The following KCNT2 variants were observed in gnomAD, a reference collection of about 807,000 sequenced individuals.
KCNT2 encodes the protein potassium channel subfamily T member 2.
A neutral mutation model predicts 153.8 loss-of-function variants in KCNT2; 67 were observed. The observed-to-expected ratio is 0.44, with a 90% CI of 0.36 to 0.53. KCNT2 has a LOEUF of 0.53. Ranked by LOEUF, KCNT2 falls within the 20% of genes least tolerant of loss-of-function variation. KCNT2 has a pLI of 0.00. For synonymous variants in KCNT2, 500 were observed against 458.8 expected (o/e 1.09, Z -1.15); for missense variants, 975 against 1,354.8 (o/e 0.72, Z 4.40).
At chr1:196,274,972 T>C (rs554978547) in intron 25 of KCNT2, among the ~76,000 whole-genome samples, 19 of 151,994 alleles carry the variant, frequency 1.3e-4, no homozygotes, top group Non-Finnish European at 2.7e-4. Context: ...TAGTAGCTAA[T>C]ACCCCCAGTG....
intron 14 of KCNT2, among the ~76,000 whole-genome samples, chr1:196,349,712 T>C (rs914234855): frequency 6.6e-6 from 1 of 151,774 alleles, no homozygotes; most frequent in African/African-American, 2.4e-5. Flanking sequence ...TTTTATTTTT[T>C]TATTATTATT....
intron 8 of KCNT2, among the ~76,000 whole-genome samples, chr1:196,462,317 T>C (rs903564207): frequency 6.6e-6 from 1 of 151,678 alleles, no homozygotes; most frequent in Non-Finnish European, 1.5e-5. Context: ...CTGTGTGTCA[T>C]TGAAAGCATT....
At chr1:196,603,617 T>C (rs1462976825) in intron 1 of KCNT2, among the ~76,000 whole-genome samples, 1 of 152,234 alleles carries the variant, frequency 6.6e-6, no homozygotes, top group Non-Finnish European at 1.5e-5. Context: ...AATCCTTTAA[T>C]GTTTTAACAA....
At chr1:196,483,455 T>C (rs1438020786) in intron 3 of KCNT2, among the ~76,000 whole-genome samples, 1 of 152,190 alleles carries the variant, frequency 6.6e-6, no homozygotes, top group Admixed American at 6.6e-5. Context: ...TCTTTCAAAA[T>C]GCGTTTTAGA....
chr1:196,376,694 A>G (rs1245048719), intron 13 of KCNT2, among the ~76,000 whole-genome samples: 2 of 151,958 alleles, frequency 1.3e-5, no homozygotes, highest in Non-Finnish European at 2.9e-5. Flanking sequence ...ATTCAACTAA[A>G]ATAAAACCAT....
At chr1:196,303,470 A>C (rs561711183) in intron 22 of KCNT2, among the ~76,000 whole-genome samples, 27 of 152,324 alleles carry the variant, frequency 1.8e-4, no homozygotes, top group African/African-American at 6.5e-4. Context: ...ACAAATACTG[A>C]AATTACCTTC....
chr1:196,450,403 C>A (rs1485825377), intron 8 of KCNT2, among the ~76,000 whole-genome samples: 1 of 151,838 alleles, frequency 6.6e-6, no homozygotes, highest in Non-Finnish European at 1.5e-5. Context: ...GATCCTATAG[C>A]TAAATGGCTA....
chr1:196,470,607 G>A (rs1678006047), intron 5 of KCNT2, among the ~76,000 whole-genome samples: 1 of 152,108 alleles, frequency 6.6e-6, no homozygotes, highest in South Asian at 2.1e-4. Context: ...ATGGGAGAAA[G>A]GGCCAGAGCT....
intron 14 of KCNT2, among the ~76,000 whole-genome samples, chr1:196,364,647 C>T (rs954358092): frequency 6.6e-6 from 1 of 152,098 alleles, no homozygotes; most frequent in African/African-American, 2.4e-5. Context: ...CAATTGAATA[C>T]AGGCATAATG....
intron 19 of KCNT2, among the ~76,000 whole-genome samples, chr1:196,320,630 G>A (rs964045519): frequency 6.6e-6 from 1 of 150,798 alleles, no homozygotes. Flanking sequence ...TTCTCTCCCT[G>A]ACTTATTTCT....
In KCNT2 at chr1:196,326,698, T is replaced by C; in HGVS notation, c.2276+19A>G. The C allele has an allele frequency of 2.1e-6, 3 of 1,416,168 alleles. No individual in the cohort carries two copies. The highest frequency in any genetic ancestry group is 2.8e-6 in the Non-Finnish European group (3 of 1,059,878). 87.7% of individuals were successfully genotyped at this position (1,416,168 alleles called of 1,614,324 possible). A position where few individuals can be genotyped will look rare whatever the true frequency, so the allele number is the denominator to read the frequency against. ...TTAAAAACAGTTTATCTTGTTTGTG[T>C]ATCTTAAAATATACTTACGGGTTAT... On this transcript the variant is annotated intron_variant, in intron 19 of 27. Transcript: ENST00000294725.
chr1:196,264,384 T>C lies in KCNT2; in HGVS notation c.2911-5890A>G, dbSNP rs192187620. 7.2e-4 allele frequency among the ~76,000 whole-genome samples: 110 copies of C among 152,276 alleles called. 1 individual carries two copies. Among genetic ancestry groups the C allele is most frequent in the Non-Finnish European group, 1.9e-4 (13 of 68,022 alleles). ...GACAGGCAGAAGGTATATACATTAC[T>C]TCCTGAGTTTTCATTACTTATTTAG... On this transcript the variant is annotated intron_variant, in intron 25 of 27. Transcript: ENST00000294725.
At chr1:196,233,782 G>C (rs1039747990) in intron 27 of KCNT2, among the ~76,000 whole-genome samples, 3 of 151,342 alleles carry the variant, frequency 2.0e-5, no homozygotes, top group Non-Finnish European at 4.4e-5. Context: ...AAACAACATA[G>C]TCAGTGTTAA....
rs1665693288 is a variant in KCNT2 at position 196,342,129 on chromosome 1, A to G, written c.1503T>C (p.Ala501=). ...HIVLEESTFF[A]EYEGKSFTYA... ...ATGTAAAACTCTTTCCTTCATATTC[A>G]GCAAAAAATGTACTTTCTTCCAAAA... Residue 501 remains alanine (A), a synonymous_variant, in exon 15 of 28, where the codon GCT becomes GCC. Transcript: ENST00000294725. The G allele has an allele frequency of 6.2e-7, 1 of 1,611,542 alleles. No individual in the cohort carries two copies. The highest frequency in any genetic ancestry group is 1.1e-5 in the South Asian group (1 of 90,584).
chr1:196,318,080 C>T (rs1007659017), intron 20 of KCNT2, among the ~76,000 whole-genome samples: 2 of 151,210 alleles, frequency 1.3e-5, no homozygotes, highest in Non-Finnish European at 3.0e-5. Flanking sequence ...CTTATTTTTC[C>T]CTCAGCATGG....
chr1:196,332,669 T>G (rs977461293), intron 17 of KCNT2, among the ~76,000 whole-genome samples: 1 of 152,180 alleles, frequency 6.6e-6, no homozygotes, highest in African/African-American at 2.4e-5. Context: ...GAACGCTTAC[T>G]CTACACAAAA....
At chr1:196,530,149 G>A (rs1352416586) in intron 1 of KCNT2, among the ~76,000 whole-genome samples, 1 of 151,756 alleles carries the variant, frequency 6.6e-6, no homozygotes, top group African/African-American at 2.4e-5. Context: ...ATGGCAGAAT[G>A]CACAAAGAAA....
At chr1:196,593,041 TG>T (rs1306899772) in intron 1 of KCNT2, among the ~76,000 whole-genome samples, 7 of 150,544 alleles carry the variant, frequency 4.6e-5, no homozygotes, top group Admixed American at 4.0e-4. Context: ...TAGTATACAC[TG>T]AACACAATTT....
chr1:196,471,110 T>C (rs1678067768), intron 5 of KCNT2, among the ~76,000 whole-genome samples: 1 of 151,918 alleles, frequency 6.6e-6, no homozygotes, highest in Non-Finnish European at 1.5e-5. Context: ...GGTTTCACCG[T>C]GTTAGCCAGG....
Sources: gnomAD v4.1 joint callset for allele counts (sites outside exome capture counted in the v4.1 genomes callset) on GRCh38, gnomAD v4.1.1 for gene constraint, MANE v1.5 for transcripts, NCBI Gene and HGNC (gene_info 2026-07-23, HGNC 2026-07-21) for gene names.